Variants in CDH13 observed in about 807,000 individuals in gnomAD.
CDH13 encodes cadherin-13.
CDH13 carries 24 observed loss-of-function variants against 63.8 expected under a neutral mutation model. The observed-to-expected ratio is 0.38, with a 90% CI of 0.27 to 0.53. The LOEUF is 0.53. Ranked by LOEUF, CDH13 falls within the 20% of genes least tolerant of loss-of-function variation. The probability of loss-of-function intolerance (pLI) is 0.85; values close to 1 mark genes in which losing one functional copy is unlikely to be tolerated. For missense variants in CDH13, 1,049 were observed against 903.1 expected, an observed-to-expected ratio of 1.16 and a Z score of -2.07; for synonymous variants, 503 against 355.3, an observed-to-expected ratio of 1.42 and a Z score of -4.67.
At chr16:83,686,298 G>A (rs1425527536) in intron 10 of CDH13, among the ~76,000 whole-genome samples, 4 of 152,172 alleles carry the variant, frequency 2.6e-5, no homozygotes, top group African/African-American at 9.7e-5. Context: ...TGCTCAGGGA[G>A]AGTAACAATC....
chr16:82,741,474 T>A (rs1329401002), intron 1 of CDH13, among the ~76,000 whole-genome samples: 3 of 152,202 alleles, frequency 2.0e-5, no homozygotes, highest in African/African-American at 7.2e-5. Context: ...ATAAAGCACT[T>A]ATAATAATAG....
intron 6 of CDH13, among the ~76,000 whole-genome samples, chr16:83,372,210 C>A (rs2091380069): frequency 6.6e-6 from 1 of 152,176 alleles, no homozygotes; most frequent in African/African-American, 2.4e-5. Context: ...GGTGAGAACA[C>A]TGAGTCTCAG....
intron 3 of CDH13, among the ~76,000 whole-genome samples, chr16:83,063,031 G>A (rs573806345): frequency 4.6e-4 from 68 of 148,318 alleles, no homozygotes; most frequent in Non-Finnish European, 6.7e-4. Context: ...GTGCGATCTC[G>A]GCTCACTGCA....
chr16:83,240,921 A>G (rs560466759), intron 5 of CDH13, among the ~76,000 whole-genome samples: 5 of 152,180 alleles, frequency 3.3e-5, no homozygotes, highest in South Asian at 2.1e-4. Flanking sequence ...TTGTTGTGTG[A>G]CAAATCTCCA....
At chr16:83,445,283 TA>T (rs1273394988) in intron 6 of CDH13, among the ~76,000 whole-genome samples, 9 of 136,308 alleles carry the variant, frequency 6.6e-5, no homozygotes, top group African/African-American at 2.3e-4. Flanking sequence ...TTATAATTTA[TA>T]AAAGGTTTTA....
intron 7 of CDH13, among the ~76,000 whole-genome samples, chr16:83,564,537 T>C (rs960789671): frequency 6.6e-6 from 1 of 151,832 alleles, no homozygotes; most frequent in African/African-American, 2.4e-5. Flanking sequence ...GTCTGCTGAG[T>C]AGCTGGTATT....
At chr16:83,071,262 G>T (rs2032417337) in intron 3 of CDH13, among the ~76,000 whole-genome samples, 1 of 152,146 alleles carries the variant, frequency 6.6e-6, no homozygotes, top group Non-Finnish European at 1.5e-5. Flanking sequence ...ATAAGCAAAA[G>T]CCTCCTTCAG....
intron 4 of CDH13, among the ~76,000 whole-genome samples, chr16:83,141,628 C>T (rs976425142): frequency 2.6e-5 from 4 of 152,094 alleles, no homozygotes; most frequent in Non-Finnish European, 5.9e-5. Flanking sequence ...TTTTAAGCCC[C>T]GTGTGCATTA....
At chr16:82,821,995 G>C (rs539082880) in intron 1 of CDH13, among the ~76,000 whole-genome samples, 1 of 152,168 alleles carries the variant, frequency 6.6e-6, no homozygotes, top group Middle Eastern at 3.4e-3. Flanking sequence ...GAACCAAAAG[G>C]GTCTTCCTTA....
intron 3 of CDH13, among the ~76,000 whole-genome samples, chr16:83,061,889 A>G (rs978107459): frequency 6.6e-5 from 10 of 152,194 alleles, no homozygotes; most frequent in African/African-American, 2.4e-4. Context: ...CTGAGATGTC[A>G]CAATAGTCCA....
At chr16:83,372,142 C>G (rs534536120) in intron 6 of CDH13, among the ~76,000 whole-genome samples, 1 of 152,312 alleles carries the variant, frequency 6.6e-6, no homozygotes, top group South Asian at 2.1e-4. Flanking sequence ...GTACACCTCA[C>G]TCATTCCCAG....
intron 1 of CDH13, among the ~76,000 whole-genome samples, chr16:82,676,767 C>A (rs769615244): frequency 6.6e-5 from 10 of 152,200 alleles, no homozygotes; most frequent in Non-Finnish European, 1.2e-4. Flanking sequence ...ATTCTCCTTT[C>A]ATGCCACTCT....
chr16:83,328,091 C>A (rs1321584994), intron 5 of CDH13, among the ~76,000 whole-genome samples: 2 of 149,978 alleles, frequency 1.3e-5, no homozygotes, highest in Admixed American at 1.3e-4. Context: ...CGAGATGGCA[C>A]CACTGCACTC....
intron 5 of CDH13, among the ~76,000 whole-genome samples, chr16:83,222,934 G>T (rs984297601): frequency 2.0e-5 from 3 of 151,986 alleles, no homozygotes; most frequent in African/African-American, 7.3e-5. Flanking sequence ...GCTGTCCTGT[G>T]AATTGTAGGA....
In CDH13 at chr16:82,711,383, G is replaced by T. The variant is rs762001733; in HGVS notation, c.45+84246G>T. On this transcript the variant is annotated intron_variant, in intron 1 of 13. Transcript: ENST00000567109. ...CTCCAGAGGTCTAGCATTGAGCGGT[G>T]GCACTTGGGATTCTGGAATGGGGAG... Among the ~76,000 whole-genome samples, 3 of 152,088 alleles carry T rather than the reference G, an allele frequency of 2.0e-5. No individual in the cohort carries two copies. The South Asian group carries it at 6.2e-4, about 32-fold the overall frequency.
chr16:83,664,556 A>G (rs9940173), intron 8 of CDH13, among the ~76,000 whole-genome samples: 30,162 of 148,908 alleles, frequency 0.2, 3,193 homozygotes, highest in East Asian at 0.37. Context: ...ATATGTGTGT[A>G]TATATATATA....
At chr16:83,020,007 A>G (rs1347953676) in intron 2 of CDH13, among the ~76,000 whole-genome samples, 1 of 152,158 alleles carries the variant, frequency 6.6e-6, no homozygotes, top group Non-Finnish European at 1.5e-5. Flanking sequence ...CCACAAACAC[A>G]TGAGTAATGC....
intron 3 of CDH13, among the ~76,000 whole-genome samples, chr16:83,070,684 T>C (rs2032365345): frequency 6.6e-6 from 1 of 152,158 alleles, no homozygotes; most frequent in African/African-American, 2.4e-5. Context: ...ATGATTGACC[T>C]TCAATTACAT....
At chr16:83,669,079 A>G (rs1463578789) in intron 8 of CDH13, among the ~76,000 whole-genome samples, 1 of 152,136 alleles carries the variant, frequency 6.6e-6, no homozygotes, top group Non-Finnish European at 1.5e-5. Context: ...TTTACCCCAG[A>G]GCCTGGGGAA....
Sources: gnomAD v4.1 joint callset for allele counts (sites outside exome capture counted in the v4.1 genomes callset) on GRCh38, gnomAD v4.1.1 for gene constraint, MANE v1.5 for transcripts, NCBI Gene and HGNC (gene_info 2026-07-23, HGNC 2026-07-21) for gene names.